The following JMJD1C variants were observed in gnomAD, a reference collection of about 807,000 sequenced individuals.
JMJD1C encodes jumonji domain-containing protein 1C.
Under a neutral mutation model 245.3 loss-of-function variants are expected in JMJD1C, and 31 were observed. The observed-to-expected ratio is 0.13, with a 90% confidence interval of 0.09 to 0.17. The LOEUF (loss-of-function observed/expected upper bound fraction) is 0.17. JMJD1C is among the 10% of genes least tolerant of loss of function. JMJD1C has a pLI of 1.00. For missense variants in JMJD1C, 2,691 were observed against 3,000.2 expected, an observed-to-expected ratio of 0.90 and a Z score of 2.41; for synonymous variants, 1,057 against 1,017.4, an observed-to-expected ratio of 1.04 and a Z score of -0.74.
chr10:63,432,013 A>G (rs970666308), intron 1 of JMJD1C, among the ~76,000 whole-genome samples: 1 of 152,170 alleles, frequency 6.6e-6, no homozygotes, highest in African/African-American at 2.4e-5. Flanking sequence ...TCCGTCTGAA[A>G]AGAAAAAGAA....
intron 2 of JMJD1C, among the ~76,000 whole-genome samples, chr10:63,355,107 C>G (rs980376029): frequency 6.6e-6 from 1 of 151,882 alleles, no homozygotes; most frequent in African/African-American, 2.4e-5. Flanking sequence ...AAAAAAAAAG[C>G]AAGTGATTCT....
chr10:63,188,805 CAATATT>C (rs1844432287), intron 18 of JMJD1C, among the ~76,000 whole-genome samples: 1 of 151,934 alleles, frequency 6.6e-6, no homozygotes, highest in Non-Finnish European at 1.5e-5. Context: ...AAAATGCTGC[CAATATT>C]AATATTTTAA....
In JMJD1C at chr10:63,214,487, A is replaced by T; in HGVS notation, c.1680T>A (p.Asp560Glu). The change falls in exon 8 of 26, where the codon GAT becomes GAA. Residue 560 changes from aspartate (D) to glutamate (E), a missense_variant. This residue lies in a region of JMJD1C where 1,562 missense variants were observed against 1,490.7 expected (regional missense o/e 1.05). Coordinates refer to ENST00000399262, the MANE Select transcript of JMJD1C (RefSeq NM_032776.3). ...NAKFLETAKK[D>E]SDQSWVSDVV... ...CATCACTGACCCAGCTCTGGTCAGA[A>T]TCTTTTTTTGCTGTTTCCAAGAATT... 1.2e-6 allele frequency: 2 copies of T among 1,614,056 alleles called. No individual in the cohort carries two copies. Among genetic ancestry groups the T allele is most frequent in the Non-Finnish European group, 1.7e-6 (2 of 1,180,008 alleles).
chr10:63,396,907 G>T (rs548260302), intron 1 of JMJD1C, among the ~76,000 whole-genome samples: 2 of 147,480 alleles, frequency 1.4e-5, no homozygotes, highest in African/African-American at 2.5e-5. Context: ...TCACAGCCAC[G>T]TTCAAGAAGA....
At chr10:63,263,970 A>ACC (rs2133774258) in intron 3 of JMJD1C, among the ~76,000 whole-genome samples, 2 of 112,128 alleles carry the variant, frequency 1.8e-5, no homozygotes, top group South Asian at 3.3e-4. Flanking sequence ...ACACACACAC[A>ACC]CACACACACA....
rs953381972 is a variant in JMJD1C, at chr10:63,471,912, G to GC, written n.113+49825dup. ...AATTAGCTGGGCATGGTGGCACATG[G>GC]CTGTAGTGCCAACTACTCGGGAGGC... is the stretch of plus-strand genomic sequence containing the variant. On this transcript the variant is annotated intron_variant and non_coding_transcript_variant, in intron 1 of 3. Coordinates refer to the JMJD1C transcript ENST00000633035. 6.6e-5 allele frequency among the ~76,000 whole-genome samples: 10 copies of GC among 152,016 alleles called. No individual in the cohort carries two copies. The East Asian group carries it at 1.2e-3, about 18-fold the overall frequency.
At chr10:63,281,183 G>T (rs1410804583) in intron 2 of JMJD1C, among the ~76,000 whole-genome samples, 4 of 143,036 alleles carry the variant, frequency 2.8e-5, no homozygotes, top group African/African-American at 1.1e-4. Context: ...CGCCCACGCT[G>T]AAGTGCAGTG....
At chr10:63,179,501 G>A (rs1386905413) in intron 22 of JMJD1C, among the ~76,000 whole-genome samples, 1 of 152,038 alleles carries the variant, frequency 6.6e-6, no homozygotes, top group Non-Finnish European at 1.5e-5. Context: ...CTGCTGGGTA[G>A]GTGGCTCACA....
intron 1 of JMJD1C, among the ~76,000 whole-genome samples, chr10:63,439,727 T>C (rs1589751169): frequency 6.6e-6 from 1 of 152,336 alleles, no homozygotes; most frequent in East Asian, 1.9e-4. Flanking sequence ...TATAATTCTC[T>C]AATACTATCA....
At chr10:63,359,353 G>C (rs1253064547) in intron 2 of JMJD1C, among the ~76,000 whole-genome samples, 1 of 152,166 alleles carries the variant, frequency 6.6e-6, no homozygotes, top group African/African-American at 2.4e-5. Context: ...TGTTCTGGAC[G>C]TTTTACAGAG....
At chr10:63,327,826 G>A (rs1281123810) in intron 2 of JMJD1C, among the ~76,000 whole-genome samples, 16 of 151,868 alleles carry the variant, frequency 1.1e-4, no homozygotes, top group African/African-American at 3.9e-4. Flanking sequence ...GCACCACCAC[G>A]CCCAGCTAAT....
At chr10:63,461,851 A>T (rs1474621694) in intron 1 of JMJD1C, among the ~76,000 whole-genome samples, 1 of 152,206 alleles carries the variant, frequency 6.6e-6, no homozygotes, top group African/African-American at 2.4e-5. Context: ...CAAATAAATA[A>T]ATCACTGAGA....
At chr10:63,452,694 A>C (rs1404753449) in intron 1 of JMJD1C, among the ~76,000 whole-genome samples, 1 of 152,210 alleles carries the variant, frequency 6.6e-6, no homozygotes, top group African/African-American at 2.4e-5. Context: ...TTGGTAGATA[A>C]ATAAAATGTG....
intron 1 of JMJD1C, among the ~76,000 whole-genome samples, chr10:63,513,673 G>A (rs1954935068): frequency 6.6e-6 from 1 of 152,172 alleles, no homozygotes; most frequent in Non-Finnish European, 1.5e-5. Flanking sequence ...AGCACTTTGG[G>A]AGGCCGAGAC....
At chr10:63,474,342 C>T (rs780736180) in intron 1 of JMJD1C, among the ~76,000 whole-genome samples, 19 of 152,038 alleles carry the variant, frequency 1.2e-4, no homozygotes, top group Non-Finnish European at 2.4e-4. Flanking sequence ...GCTTATAAAG[C>T]GGGCAGCCGT....
At chr10:63,295,261 A>AT (rs5785568) in intron 2 of JMJD1C, among the ~76,000 whole-genome samples, 95 of 138,688 alleles carry the variant, frequency 6.8e-4, no homozygotes, top group African/African-American at 1.4e-3. Context: ...TGCCCAACTA[A>AT]TTTTTTTTTT....
In JMJD1C at chr10:63,509,743, T is replaced by C. The variant is rs1196171136; in HGVS notation, n.113+11995A>G. Among the ~76,000 whole-genome samples, 4 of 152,356 alleles carry C rather than the reference T, an allele frequency of 2.6e-5. No individual in the cohort carries two copies. In the East Asian group the frequency reaches 7.7e-4, roughly 29 times the overall value. On this transcript the variant is annotated intron_variant and non_coding_transcript_variant, in intron 1 of 3. Transcript: ENST00000633035. ...TCATCTTTTTAATGTCAATGGGATC[T>C]GTAAAGATGCTGCTCTTTCATTTTT... is the stretch of plus-strand genomic sequence containing the variant.
At chr10:63,511,663 G>A (rs1954875546) in intron 1 of JMJD1C, among the ~76,000 whole-genome samples, 1 of 152,192 alleles carries the variant, frequency 6.6e-6, no homozygotes, top group South Asian at 2.1e-4. Flanking sequence ...TGCAGTGAGT[G>A]CTGAGATCGC....
rs71025144 is a variant in JMJD1C at position 63,281,458 on chromosome 10, C to CTTTT, written c.334-16698_334-16695dup. Among the ~76,000 whole-genome samples the CTTTT allele has an allele frequency of 6.3e-4, 41 of 65,384 alleles. 4 individuals are homozygous for CTTTT. The highest frequency in any genetic ancestry group is 2.4e-3 in the African/African-American group (34 of 14,206). 42.9% of individuals were successfully genotyped at this position (65,384 alleles called of 152,430 possible). A position where few individuals can be genotyped will look rare whatever the true frequency, so the allele number is the denominator to read the frequency against. On this transcript the variant is annotated intron_variant, in intron 2 of 25. Coordinates refer to ENST00000399262, the MANE Select transcript of JMJD1C (RefSeq NM_032776.3). ...ACAGGCGTGAGCCACTGCGCCTGGC[C>CTTTT]TTTTTTTTTTTTTTTTTTTTTTTTT...
Sources: gnomAD v4.1 joint callset for allele counts (sites outside exome capture counted in the v4.1 genomes callset) on GRCh38, gnomAD v4.1.1 for gene constraint, gnomAD v4.1.1 regional missense constraint, MANE v1.5 for transcripts, NCBI Gene and HGNC (gene_info 2026-07-23, HGNC 2026-07-21) for gene names.